DOCK10: variants seen among roughly 807,000 people sequenced by gnomAD.
The protein encoded by DOCK10 is dedicator of cytokinesis 10.
DOCK10 carries 145 observed loss-of-function variants against 280.1 expected under a neutral mutation model. The observed-to-expected ratio is 0.52, with a 90% CI of 0.45 to 0.59. DOCK10 has a LOEUF of 0.59. DOCK10 is among the 20% of genes least tolerant of loss of function. The pLI, the probability that DOCK10 is intolerant of heterozygous loss-of-function variation, is 0.00. For missense variants in DOCK10, 2,368 were observed against 2,651.7 expected (o/e 0.89, Z 2.35); for synonymous variants, 915 against 942.2 (o/e 0.97, Z 0.53).
At position 224,799,935 on chromosome 2, in the gene DOCK10, G is replaced by A. The variant is rs552387023; in HGVS notation, c.4506+216C>T. Among the ~76,000 whole-genome samples, 8 of 152,246 alleles carry A rather than the reference G, an allele frequency of 5.3e-5. No individual in the cohort carries two copies. The East Asian group carries it at 9.6e-4, about 18-fold the overall frequency. Reference sequence around the variant, plus strand: ...GAGGAAGAAAGACTATTTGACAATAGTGAAATGCACACGTGTACATATCAA... The same window carrying A: ...GAGGAAGAAAGACTATTTGACAATAATGAAATGCACACGTGTACATATCAA... On this transcript the variant is annotated intron_variant, in intron 41 of 55. Transcript: ENST00000258390.
Position 224,770,068 on chromosome 2 carries a change from C to T in DOCK10, c.6444+143G>A, listed in dbSNP as rs560779615. On this transcript the variant is annotated intron_variant, in intron 55 of 55. Coordinates refer to ENST00000258390, the MANE Select transcript of DOCK10 (RefSeq NM_014689.3). This position sits in a 1 kb window ranked among gnomAD's most constrained non-coding sequence, Gnocchi z 4.5. ...GCTTTGGGGCACGAGGTGGTGTGCA[C>T]GGGAGAGAGAACAGATCAGCAACAT... is the stretch of plus-strand genomic sequence containing the variant. The T allele has an allele frequency of 2.0e-5, 19 of 936,278 alleles. 1 individual carries two copies. Among genetic ancestry groups the T allele is most frequent in the South Asian group, 8.7e-5 (3 of 34,354 alleles). 58.0% of individuals were successfully genotyped at this position (936,278 alleles called of 1,614,324 possible).
At chr2:224,929,926 C>G (rs775848045) in intron 2 of DOCK10, among the ~76,000 whole-genome samples, 1 of 152,068 alleles carries the variant, frequency 6.6e-6, no homozygotes, top group Admixed American at 6.6e-5. Context: ...CAAGGCTGGA[C>G]GTGGTGGCTC....
At chr2:225,037,349 G>A (rs551495854) in intron 1 of DOCK10, among the ~76,000 whole-genome samples, 43 of 152,156 alleles carry the variant, frequency 2.8e-4, no homozygotes, top group Admixed American at 1.3e-3. Context: ...GGGAACACTG[G>A]AGTGAATTCT....
chr2:224,858,341 T>C (rs761880624), intron 14 of DOCK10, among the ~76,000 whole-genome samples: 1 of 152,094 alleles, frequency 6.6e-6, no homozygotes, highest in Non-Finnish European at 1.5e-5. Context: ...CACAGTGCCA[T>C]ACAACATGTG....
intron 1 of DOCK10, among the ~76,000 whole-genome samples, chr2:225,000,896 A>G (rs1275711061): frequency 6.6e-6 from 1 of 152,206 alleles, no homozygotes; most frequent in Non-Finnish European, 1.5e-5. Flanking sequence ...GGATCGCTTG[A>G]ACTGAGGACG....
intron 2 of DOCK10, among the ~76,000 whole-genome samples, chr2:224,918,973 G>C (rs1701516090): frequency 6.8e-6 from 1 of 147,838 alleles, no homozygotes; most frequent in Non-Finnish European, 1.5e-5. Flanking sequence ...TGTATGTGTG[G>C]TGTGTGTGTT....
intron 1 of DOCK10, among the ~76,000 whole-genome samples, chr2:225,035,545 TATA>T (rs1690204644): frequency 2.6e-4 from 3 of 11,512 alleles, no homozygotes; most frequent in African/African-American, 9.3e-4. Context: ...ATATATATTA[TATA>T]TATATATATA....
chr2:225,003,384 C>T (rs1222055559), intron 1 of DOCK10, among the ~76,000 whole-genome samples: 3 of 152,124 alleles, frequency 2.0e-5, no homozygotes, highest in Non-Finnish European at 4.4e-5. Flanking sequence ...GGTAAACATC[C>T]CCATGGAGAT....
At chr2:224,898,515 T>C (rs1441416404) in intron 3 of DOCK10, among the ~76,000 whole-genome samples, 1 of 152,234 alleles carries the variant, frequency 6.6e-6, no homozygotes, top group African/African-American at 2.4e-5. Context: ...TATGGTGAGC[T>C]GTAGCAACTT....
chr2:224,941,056 A>G (rs1703032816), intron 1 of DOCK10, among the ~76,000 whole-genome samples: 1 of 152,214 alleles, frequency 6.6e-6, no homozygotes, highest in Non-Finnish European at 1.5e-5. Flanking sequence ...ACCATTTTAA[A>G]ATAAATTACC....
At chr2:224,835,014 G>A (rs1312984217) in intron 25 of DOCK10, among the ~76,000 whole-genome samples, 2 of 152,290 alleles carry the variant, frequency 1.3e-5, no homozygotes, top group South Asian at 2.1e-4. Flanking sequence ...GGATTTCACC[G>A]TAATTGAGAG....
intron 30 of DOCK10, 21 bp from the exon 31 acceptor site, chr2:224,814,385 A>C: frequency 6.9e-7 from 1 of 1,440,152 alleles, no homozygotes; most frequent in Non-Finnish European, 9.4e-7. Context: ...TATAAATAAA[A>C]AGTTCAGATA....
chr2:225,035,650 G>T (rs1690240451), intron 1 of DOCK10, among the ~76,000 whole-genome samples: 1 of 132,212 alleles, frequency 7.6e-6, no homozygotes, highest in Admixed American at 7.6e-5. Flanking sequence ...AATAACCAAA[G>T]AATCAGTGTT....
At chr2:224,781,054 T>C (rs1167621335) in intron 50 of DOCK10, among the ~76,000 whole-genome samples, 4 of 151,960 alleles carry the variant, frequency 2.6e-5, no homozygotes, top group African/African-American at 9.7e-5. Context: ...CTTTGGTGAG[T>C]GCTAGCTATG....
At chr2:224,816,976 C>G (rs1292208306) in intron 29 of DOCK10, among the ~76,000 whole-genome samples, 1 of 152,144 alleles carries the variant, frequency 6.6e-6, no homozygotes, top group Non-Finnish European at 1.5e-5. Context: ...AGATAAGATC[C>G]TACTGAGTCA....
At chr2:224,766,899 C>A (rs1322495322) in intron 55 of DOCK10, among the ~76,000 whole-genome samples, 1 of 152,178 alleles carries the variant, frequency 6.6e-6, no homozygotes, top group African/African-American at 2.4e-5. Context: ...TTTACCTCAA[C>A]ATCTCCATTT....
chr2:224,893,517 C>A, intron 4 of DOCK10: 2 of 261,886 alleles, frequency 7.6e-6, no homozygotes, highest in South Asian at 4.2e-5. Flanking sequence ...TCAGTGGCAT[C>A]ATATATTTTT....
intron 1 of DOCK10, among the ~76,000 whole-genome samples, chr2:225,016,510 TG>T (rs1288126554): frequency 1.3e-5 from 2 of 148,976 alleles, no homozygotes; most frequent in African/African-American, 4.9e-5. Flanking sequence ...TACATATATA[TG>T]TATATATCTA....
chr2:224,853,053 T>C lies in DOCK10; in HGVS notation c.1958A>G (p.Glu653Gly), dbSNP rs1210217519. 6.2e-7 allele frequency: 1 copy of C among 1,611,846 alleles called. No homozygotes were observed. Among genetic ancestry groups the C allele is most frequent in the South Asian group, 1.1e-5 (1 of 90,772 alleles). ...NMMAQTEPTVEVEEFVYDSTK... is the reference protein window; with the variant it reads ...NMMAQTEPTVGVEEFVYDSTK... ...TGAATCGTAAACAAATTCTTCCACC[T>C]CCACTGTGGGTTCTGTTTGAGCCAT... Residue 653 changes from glutamate (E) to glycine (G), a missense_variant, in exon 17 of 56, where the codon GAG becomes GGG. By Grantham distance (98) the Glu-to-Gly change is moderately conservative. Around this residue, in one of 2 missense-constraint regions of DOCK10, gnomAD observed 1,209 missense variants for 1,250.9 expected, o/e 0.97. Coordinates refer to ENST00000258390, the MANE Select transcript of DOCK10 (RefSeq NM_014689.3).
Sources: allele counts gnomAD v4.1 joint callset (sites outside exome capture counted in the v4.1 genomes callset), GRCh38; gene constraint gnomAD v4.1.1; regional missense constraint gnomAD v4.1.1; non-coding constraint Gnocchi (gnomAD v3.1); transcripts MANE v1.5; gene names NCBI Gene and HGNC (gene_info 2026-07-23, HGNC 2026-07-21).